Variants in USP28 observed in about 807,000 individuals in gnomAD.
The protein encoded by USP28 is ubiquitin carboxyl-terminal hydrolase 28.
Under a neutral mutation model 145.0 loss-of-function variants are expected in USP28, and 113 were observed. That is an observed-to-expected ratio of 0.78 (90% CI 0.67 to 0.91). The LOEUF is 0.91. Among genes scored for constraint, USP28 ranks in the 40% least tolerant of loss-of-function variants. USP28 has a pLI of 0.00. For synonymous variants in USP28, 447 were observed against 450.9 expected (o/e 0.99, Z 0.11); for missense variants, 1,201 against 1,289.6 (o/e 0.93, Z 1.05).
intron 12 of USP28, among the ~76,000 whole-genome samples, chr11:113,818,431 C>T (rs1380449577): frequency 6.6e-6 from 1 of 152,130 alleles, no homozygotes; most frequent in Admixed American, 6.6e-5. Flanking sequence ...GATTAAGGGC[C>T]ACCGCGCCTG....
rs184256910 is a variant in USP28 at position 113,829,093 on chromosome 11, G to A, written c.1059+104C>T. 108 of 1,479,430 alleles carry A rather than the reference G, an allele frequency of 7.3e-5. 1 individual carries two copies. The African/African-American group carries it at 1.1e-3, about 15-fold the overall frequency. 91.6% of individuals were successfully genotyped at this position (1,479,430 alleles called of 1,614,324 possible). A position where few individuals can be genotyped will look rare whatever the true frequency, so the allele number is the denominator to read the frequency against. ...TTAAGACAAATTCAAGTTCTGCTAA[G>A]TGTAAAGTTACTTAATATGTGATGG... is the stretch of plus-strand genomic sequence containing the variant. On this transcript the variant is annotated intron_variant, in intron 10 of 24. Transcript: ENST00000003302.
chr11:113,811,695 AAAG>A (rs1376306833), intron 16 of USP28, among the ~76,000 whole-genome samples: 2 of 152,314 alleles, frequency 1.3e-5, no homozygotes, highest in African/African-American at 4.8e-5. Context: ...CTCAAAAAAA[AAAG>A]AAAGAAAAAA....
At position 113,833,053 on chromosome 11, in the gene USP28, C is replaced by T. The variant is rs150876326; in HGVS notation, c.759+367G>A. The stretch of plus-strand genomic sequence containing the variant: ...TTTAAAGATACTATTTCCATCTGGA[C>T]CATTCCAAGACAAAGGTGCAGACAA... On this transcript the variant is annotated intron_variant, in intron 7 of 24. Coordinates refer to ENST00000003302, the Ensembl canonical transcript of USP28. 6.6e-5 allele frequency among the ~76,000 whole-genome samples: 10 copies of T among 152,352 alleles called. No individual in the cohort carries two copies. The East Asian group carries it at 1.9e-3, about 29-fold the overall frequency.
intron 6 of USP28, among the ~76,000 whole-genome samples, 197 bp downstream of exon 6, chr11:113,834,052 T>C (rs1314165826): frequency 1.3e-5 from 2 of 152,256 alleles, no homozygotes; most frequent in African/African-American, 4.8e-5. Context: ...TTTCTCATTT[T>C]ACTCCTACTT....
chr11:113,829,320 G>T, exon 10 of USP28: 2 of 1,614,082 alleles, frequency 1.2e-6, no homozygotes, highest in Non-Finnish European at 8.5e-7. Flanking sequence ...ACTGGCCGAA[G>T]GTCTCATTGT....
intron 5 of USP28, among the ~76,000 whole-genome samples, chr11:113,834,601 A>G (rs1944360436): frequency 6.6e-6 from 1 of 152,178 alleles, no homozygotes; most frequent in African/African-American, 2.4e-5. Context: ...TTGGTTTTGT[A>G]GAGACAGGGT....
chr11:113,840,702 C>T (rs1273060513), exon 5 of USP28: 9 of 1,614,128 alleles, frequency 5.6e-6, no homozygotes, highest in Non-Finnish European at 2.5e-6. Context: ...TCTCCCCAGA[C>T]TTCACAGCGT....
chr11:113,798,411 A>G (rs1219617593), exon 25 of USP28: 1 of 150,434 alleles, frequency 6.6e-6, no homozygotes, highest in Admixed American at 6.8e-5. Context: ...TGAAACTGTC[A>G]CAGAAAAAAA....
At chr11:113,833,271 T>A (rs1591318054) in intron 7 of USP28, 149 bp downstream of exon 7, 1 of 1,051,938 alleles carries the variant, frequency 9.5e-7, no homozygotes, top group Non-Finnish European at 1.4e-6. Context: ...TCTCACCACC[T>A]GTTCTGTAGG....
exon 13 of USP28, chr11:113,817,706 G>C (rs761946067): frequency 1.2e-6 from 2 of 1,614,060 alleles, no homozygotes; most frequent in African/African-American, 1.3e-5. Flanking sequence ...TGAAGAAAGT[G>C]GTAATGTCAT....
chr11:113,815,996 G>A (rs1365298731), intron 13 of USP28, among the ~76,000 whole-genome samples: 2 of 152,162 alleles, frequency 1.3e-5, no homozygotes, highest in African/African-American at 2.4e-5. Context: ...AAGGAAAAAA[G>A]TATTAATATC....
At chr11:113,819,925 G>A (rs945857317) in intron 12 of USP28, among the ~76,000 whole-genome samples, 1 of 152,158 alleles carries the variant, frequency 6.6e-6, no homozygotes, top group Non-Finnish European at 1.5e-5. Context: ...CACCATGTTG[G>A]TCAGGCGGGT....
chr11:113,865,256 G>T (rs1014632209), intron 1 of USP28, among the ~76,000 whole-genome samples: 4 of 152,138 alleles, frequency 2.6e-5, no homozygotes, highest in African/African-American at 9.7e-5. Context: ...GGGTTGCGGG[G>T]AACTCTAGTG....
chr11:113,804,030 AACATTTAAAATAAAAGTCT>A (rs748484251), intron 21 of USP28, among the ~76,000 whole-genome samples, 153 bp from the exon 23 acceptor site: 1 of 152,244 alleles, frequency 6.6e-6, no homozygotes, highest in Non-Finnish European at 1.5e-5. Context: ...AAACCTACTC[AACATTTAAAATAAAAGTCT>A]ACCACTGACC....
intron 14 of USP28, 131 bp downstream of exon 14, chr11:113,815,043 C>G: frequency 1.2e-6 from 1 of 812,538 alleles, no homozygotes; most frequent in Non-Finnish European, 1.9e-6. Context: ...TAGAGTGAGA[C>G]TCCATCTCGG....
intron 13 of USP28, among the ~76,000 whole-genome samples, chr11:113,816,627 T>C (rs1004364914): frequency 2.7e-4 from 41 of 152,190 alleles, no homozygotes; most frequent in African/African-American, 9.6e-4. Context: ...TATGGAAAAA[T>C]AAGCCCAACA....
intron 3 of USP28, among the ~76,000 whole-genome samples, chr11:113,846,550 G>GAA (rs1284522001): frequency 1.2e-4 from 18 of 152,140 alleles, no homozygotes; most frequent in African/African-American, 4.3e-4. Context: ...CATTCTGGGG[G>GAA]TTGTTTCACA....
chr11:113,864,220 AAC>A (rs141655580), intron 1 of USP28, among the ~76,000 whole-genome samples: 21 of 152,250 alleles, frequency 1.4e-4, no homozygotes, highest in Non-Finnish European at 2.4e-4. Flanking sequence ...CAGCCTGGGC[AAC>A]AGAGTGAGAC....
chr11:113,807,982 A>G (rs1225069831), intron 18 of USP28: 1 of 1,186,368 alleles, frequency 8.4e-7, no homozygotes, highest in African/African-American at 1.6e-5. Context: ...ATCAGATCTA[A>G]CCAGAATCCT....
Sources: allele counts gnomAD v4.1 joint callset (sites outside exome capture counted in the v4.1 genomes callset), GRCh38; gene constraint gnomAD v4.1.1; transcripts MANE v1.5; gene names NCBI Gene and HGNC (gene_info 2026-07-23, HGNC 2026-07-21).